ZSCAN26: variants seen among roughly 807,000 people sequenced by gnomAD.
ZSCAN26 encodes the protein zinc finger and SCAN domain-containing protein 26.
Under a neutral mutation model 23.0 loss-of-function variants are expected in ZSCAN26, and 26 were observed. The ratio of observed to expected loss-of-function variants is 1.13; its 90% CI spans 0.83 to 1.57. ZSCAN26 has a LOEUF of 1.57. Among genes scored for constraint, ZSCAN26 ranks in the 40% most tolerant of loss-of-function variants. The probability of loss-of-function intolerance (pLI) is 0.00; values close to 1 mark genes in which losing one functional copy is unlikely to be tolerated. For missense variants in ZSCAN26, 528 were observed against 568.5 expected (o/e 0.93, Z 0.72); for synonymous variants, 180 against 202.5 (o/e 0.89, Z 0.94).
chr6:28,272,574 T>C (rs1369691113), intron 2 of ZSCAN26, 96 bp from the exon 3 acceptor site: 2 of 1,133,524 alleles, frequency 1.8e-6, no homozygotes, highest in East Asian at 2.6e-5. Context: ...GGGTTTCTCT[T>C]TCTTCTCTTT....
Position 28,272,180 on chromosome 6 carries a change from G to A in ZSCAN26, c.261G>A (p.Lys87=). 1 of 1,614,024 alleles carries A rather than the reference G, an allele frequency of 6.2e-7. No individual in the cohort carries two copies. Among genetic ancestry groups the A allele is most frequent in the Non-Finnish European group, 8.5e-7 (1 of 1,179,996 alleles). Reference sequence around the variant, plus strand: ...GGCTACAGCCCGAGACCCATACCAAGGAGCAGATCCTGGAGCTGCTGGTGC... The same window carrying A: ...GGCTACAGCCCGAGACCCATACCAAAGAGCAGATCCTGGAGCTGCTGGTGC... ...QQWLQPETHT[K]EQILELLVLE... is the part of the protein sequence containing the mutation. The change falls in exon 2 of 4, where the codon AAG becomes AAA. Residue 87 remains lysine (K), a synonymous_variant. Transcript: ENST00000421553.
In ZSCAN26 at chr6:28,276,880, A is replaced by G; in HGVS notation, c.1224A>G (p.Ser408=). The G allele has an allele frequency of 6.2e-7, 1 of 1,614,044 alleles. No individual in the cohort carries two copies. The highest frequency in any genetic ancestry group is 1.3e-5 in the African/African-American group (1 of 75,064). ...GTGGAAAAGCTTTCAGTTTGACCTC[A>G]GACCTTATTCGACACCACAGAATTC... ...NECGKAFSLT[S]DLIRHHRIHT... Residue 408 remains serine (S), a synonymous_variant, in exon 4 of 4, where the codon TCA becomes TCG. Transcript: ENST00000421553.
At position 28,277,243 on chromosome 6, in the gene ZSCAN26, C is replaced by T. The variant is rs1761990824; in HGVS notation, c.*147C>T. ...CCCTGCCTCTATTCTCTCTCCTTTG[C>T]TTTCCTTGAAGTCAGCTTTGGACCA... On this transcript the variant is annotated 3_prime_UTR_variant, in exon 4 of 4. Coordinates refer to ENST00000421553, the MANE Select transcript of ZSCAN26 (RefSeq NM_001023560.4). 3.9e-6 allele frequency: 3 copies of T among 766,718 alleles called. No homozygotes were observed. The highest frequency in any genetic ancestry group is 6.2e-6 in the Non-Finnish European group (3 of 481,732). 47.5% of individuals were successfully genotyped at this position (766,718 alleles called of 1,614,324 possible).
chr6:28,271,845 T>G lies in ZSCAN26; in HGVS notation c.-66-9T>G, dbSNP rs1470767617. The stretch of plus-strand genomic sequence containing the variant: ...ACTGTTTCTGTCACTCTTGTTACTA[T>G]AATTTTAGGAGTGTCTCTGAAGATA... On this transcript the variant is annotated splice_polypyrimidine_tract_variant and intron_variant, in intron 1 of 3. Coordinates refer to ENST00000421553, the MANE Select transcript of ZSCAN26 (RefSeq NM_001023560.4). 7.7e-7 allele frequency: 1 copy of G among 1,304,166 alleles called. No homozygotes were observed. Among genetic ancestry groups the G allele is most frequent in the Non-Finnish European group, 1.0e-6 (1 of 963,592 alleles). The allele number at this position is 1,304,166 out of a possible 1,614,324, so 80.8% of individuals were successfully genotyped here. A position where few individuals can be genotyped will look rare whatever the true frequency, so the allele number is the denominator to read the frequency against.
In ZSCAN26 at chr6:28,271,943, C is replaced by T. The variant is rs1325801122; in HGVS notation, c.24C>T (p.Ala8=). 6.4e-7 allele frequency: 1 copy of T among 1,551,284 alleles called. No individual in the cohort carries two copies. Among genetic ancestry groups the T allele is most frequent in the African/African-American group, 1.4e-5 (1 of 73,026 alleles). Residue 8 remains alanine, a synonymous_variant, in exon 2 of 4, where the codon GCC becomes GCT. Coordinates refer to ENST00000421553, the MANE Select transcript of ZSCAN26 (RefSeq NM_001023560.4). MATALVS[A]HSLAPLNLKK... ...GGATGGCAACAGCATTGGTGAGTGC[C>T]CATTCCCTGGCTCCCCTGAATCTGA...
intron 1 of ZSCAN26, among the ~76,000 whole-genome samples, chr6:28,270,898 G>C (rs1468436655): frequency 6.6e-6 from 1 of 152,158 alleles, no homozygotes; most frequent in Non-Finnish European, 1.5e-5. Context: ...CTTGAACACT[G>C]TGCTCATATC....
At chr6:28,268,902 C>T (rs998992800) in intron 1 of ZSCAN26, among the ~76,000 whole-genome samples, 1 of 152,094 alleles carries the variant, frequency 6.6e-6, no homozygotes, top group Admixed American at 6.5e-5. Context: ...CACTTGAGGT[C>T]AGGAATTCGA....
At chr6:28,275,682 T>G (rs927667337) in intron 3 of ZSCAN26, among the ~76,000 whole-genome samples, 1 of 152,180 alleles carries the variant, frequency 6.6e-6, no homozygotes, top group African/African-American at 2.4e-5. Flanking sequence ...TTATAGTACA[T>G]TATTCTTTCT....
chr6:28,271,234 G>T, intron 1 of ZSCAN26, among the ~76,000 whole-genome samples: 1 of 152,152 alleles, frequency 6.6e-6, no homozygotes, highest in Middle Eastern at 3.4e-3. Context: ...CCAGGATTCC[G>T]GCTCCATATA....
chr6:28,276,290 G>A lies in ZSCAN26; in HGVS notation c.634G>A (p.Ala212Thr), dbSNP rs1240457295. 2 of 1,613,966 alleles carry A rather than the reference G, an allele frequency of 1.2e-6. No homozygotes were observed. The highest frequency in any genetic ancestry group is 4.5e-5 in the East Asian group (2 of 44,888). The change falls in exon 4 of 4, where the codon GCT becomes ACT. Residue 212 changes from alanine to threonine, a missense_variant. Coordinates refer to ENST00000421553, the MANE Select transcript of ZSCAN26 (RefSeq NM_001023560.4). The stretch of plus-strand genomic sequence containing the variant: ...TGGGAAAATATCTGAACCCATGGAG[G>A]CTCATAATGAGGGCTCTAACTTGGA... ...SSGKISEPMEAHNEGSNLERH... is the reference protein window; with the variant it reads ...SSGKISEPMETHNEGSNLERH...
Position 28,272,013 on chromosome 6 carries a change from TG to T in ZSCAN26, c.97del (p.Glu33AsnfsTer37). 1 of 1,551,608 alleles carries T rather than the reference TG, an allele frequency of 6.4e-7. No homozygotes were observed. The highest frequency in any genetic ancestry group is 8.7e-7 in the Non-Finnish European group (1 of 1,146,974). On this transcript the variant is annotated frameshift_variant, in exon 2 of 4. Coordinates refer to ENST00000421553, the MANE Select transcript of ZSCAN26 (RefSeq NM_001023560.4). LOFTEE classifies it high-confidence loss of function. The stretch of plus-strand genomic sequence containing the variant: ...AGTGAGGGAGGATCACTACTCTACT[TG>T]GGAACAGGGATTCAAGCTGCAAGGA... ...RVVREDHYST[W>X]EQGFKLQGNS... is the part of the protein sequence containing the mutation.
intron 2 of ZSCAN26, 106 bp downstream of exon 2, chr6:28,272,445 C>A: frequency 7.4e-7 from 1 of 1,343,156 alleles, no homozygotes; most frequent in Non-Finnish European, 1.0e-6. Context: ...AGCTTTGATT[C>A]AGTTTTTTTC....
chr6:28,274,818 T>G (rs1477386068), intron 3 of ZSCAN26, among the ~76,000 whole-genome samples: 6 of 152,226 alleles, frequency 3.9e-5, no homozygotes, highest in African/African-American at 1.4e-4. Context: ...TGTTATTTTA[T>G]ATTCAAAGTT....
At chr6:28,268,923 G>T (rs900912142) in intron 1 of ZSCAN26, among the ~76,000 whole-genome samples, 2 of 151,960 alleles carry the variant, frequency 1.3e-5, no homozygotes, top group Non-Finnish European at 2.9e-5. Flanking sequence ...GACCAGCTTG[G>T]CCAACATGGT....
At chr6:28,269,877 C>T (rs1761612794) in intron 1 of ZSCAN26, among the ~76,000 whole-genome samples, 1 of 152,180 alleles carries the variant, frequency 6.6e-6, no homozygotes, top group African/African-American at 2.4e-5. Context: ...TATCTGAGCA[C>T]CCTGTGGCCA....
chr6:28,277,457 C>T lies in ZSCAN26; in HGVS notation c.*361C>T, dbSNP rs1219519815. ...CACAGATTTGCAGGCTTAAGCAGAACAAGGGAAGATTGATATTTTTGGATA... is the reference window on the plus strand; with the variant it reads ...CACAGATTTGCAGGCTTAAGCAGAATAAGGGAAGATTGATATTTTTGGATA... On this transcript the variant is annotated 3_prime_UTR_variant, in exon 4 of 4. Transcript: ENST00000421553. 4.6e-6 allele frequency: 1 copy of T among 218,222 alleles called. No individual in the cohort carries two copies. 13.5% of individuals were successfully genotyped at this position (218,222 alleles called of 1,614,324 possible).
chr6:28,273,214 T>G (rs1778483), intron 3 of ZSCAN26, among the ~76,000 whole-genome samples: 64,201 of 151,554 alleles, frequency 0.42, 17,007 homozygotes, highest in African/African-American at 0.75. Flanking sequence ...CAATGATTGT[T>G]GCACTGCACT....
intron 1 of ZSCAN26, among the ~76,000 whole-genome samples, chr6:28,270,832 A>G (rs1259893995): frequency 1.3e-5 from 2 of 152,206 alleles, no homozygotes; most frequent in Non-Finnish European, 2.9e-5. Context: ...TTGTTTTTGA[A>G]TCAAGTGTCT....
chr6:28,275,107 T>G (rs1402601479), intron 3 of ZSCAN26, among the ~76,000 whole-genome samples: 1 of 152,198 alleles, frequency 6.6e-6, no homozygotes, highest in East Asian at 1.9e-4. Context: ...ATCCACTCTT[T>G]CCTTTTTACT....
Sources: allele counts gnomAD v4.1 joint callset (sites outside exome capture counted in the v4.1 genomes callset), GRCh38; gene constraint gnomAD v4.1.1; transcripts MANE v1.5; gene names NCBI Gene and HGNC (gene_info 2026-07-23, HGNC 2026-07-21).